The following SERPINI1 variants were observed in gnomAD, a reference collection of about 807,000 sequenced individuals.
SERPINI1 encodes the protein serpin family I member 1.
Under a neutral mutation model 41.1 loss-of-function variants are expected in SERPINI1, and 19 were observed. The ratio of observed to expected loss-of-function variants is 0.46; its 90% confidence interval spans 0.32 to 0.68. SERPINI1 has a LOEUF of 0.68. SERPINI1 is among the 30% of genes least tolerant of loss of function. The pLI is 0.03. For synonymous variants in SERPINI1, 138 were observed against 156.6 expected (o/e 0.88, Z 0.89); for missense variants, 460 against 479.2 (o/e 0.96, Z 0.37).
At chr3:167,781,164 T>C (rs770822288) in intron 1 of SERPINI1, among the ~76,000 whole-genome samples, 10 of 152,090 alleles carry the variant, frequency 6.6e-5, no homozygotes, top group Non-Finnish European at 1.2e-4. Flanking sequence ...TGCCTTTCTC[T>C]TAGCAAATCA....
chr3:167,760,148 AAAG>A lies in SERPINI1; in HGVS notation c.-19+24330_-19+24332del, dbSNP rs1403234220. On this transcript the variant is annotated intron_variant, in intron 1 of 8. Coordinates refer to ENST00000446050, the MANE Select transcript of SERPINI1 (RefSeq NM_001122752.2). ...GTCATCTTCAATGAGATGAGCTTTG[AAAG>A]AAGATTAAAAGTTGGCCAGGTGAAA... Among the ~76,000 whole-genome samples the A allele has an allele frequency of 4.6e-5, 7 of 151,092 alleles. No homozygotes were observed. The South Asian group carries it at 8.3e-4, about 18-fold the overall frequency.
At chr3:167,798,795 C>G (rs762735902) in intron 5 of SERPINI1, among the ~76,000 whole-genome samples, 1 of 152,016 alleles carries the variant, frequency 6.6e-6, no homozygotes, top group Non-Finnish European at 1.5e-5. Context: ...TTTGGGTACT[C>G]ATGGACATAA....
Position 167,809,315 on chromosome 3 carries a change from A to C in SERPINI1, c.979+1974A>C, listed in dbSNP as rs1424446717. Reference sequence around the variant, plus strand: ...ATACTGGCCAAATTCCAATTGGATAATTACATTGTACTTTCTTAACGTGGC... The same window carrying C: ...ATACTGGCCAAATTCCAATTGGATACTTACATTGTACTTTCTTAACGTGGC... On this transcript the variant is annotated intron_variant, in intron 6 of 8. Coordinates refer to ENST00000446050, the MANE Select transcript of SERPINI1 (RefSeq NM_001122752.2). 2.6e-5 allele frequency among the ~76,000 whole-genome samples: 4 copies of C among 152,190 alleles called. No homozygotes were observed. The East Asian group carries it at 7.7e-4, about 29-fold the overall frequency.
intron 1 of SERPINI1, among the ~76,000 whole-genome samples, chr3:167,782,462 T>C (rs563501404): frequency 1.3e-5 from 2 of 152,332 alleles, no homozygotes; most frequent in Non-Finnish European, 2.9e-5. Flanking sequence ...TTGCTGTTCC[T>C]TCTGAAACAG....
intron 6 of SERPINI1, among the ~76,000 whole-genome samples, chr3:167,814,251 G>GTA (rs541085962): frequency 2.0e-5 from 3 of 152,192 alleles, no homozygotes; most frequent in African/African-American, 7.2e-5. Flanking sequence ...GTTCATCATA[G>GTA]TATACCTGGT....
At chr3:167,752,133 T>C (rs531858098) in intron 1 of SERPINI1, among the ~76,000 whole-genome samples, 8 of 152,324 alleles carry the variant, frequency 5.3e-5, no homozygotes, top group Admixed American at 3.3e-4. Context: ...AAGTCTTGCA[T>C]GTGTTTGGGT....
At position 167,802,215 on chromosome 3, in the gene SERPINI1, G is replaced by A. The variant is rs1195448483; in HGVS notation, c.882-5029G>A. On this transcript the variant is annotated intron_variant, in intron 5 of 8. Coordinates refer to ENST00000446050, the MANE Select transcript of SERPINI1 (RefSeq NM_001122752.2). The stretch of plus-strand genomic sequence containing the variant: ...CATTACCATTCGGGACATAGGCATG[G>A]GCAAGGACTTCATGTCTAAAACACC... Among the ~76,000 whole-genome samples the A allele has an allele frequency of 9.2e-5, 14 of 152,112 alleles. 1 individual carries two copies. The South Asian group carries it at 2.9e-3, about 32-fold the overall frequency.
intron 1 of SERPINI1, among the ~76,000 whole-genome samples, chr3:167,772,986 A>G (rs1560002832): frequency 6.8e-6 from 1 of 147,220 alleles, no homozygotes; most frequent in Non-Finnish European, 1.5e-5. Flanking sequence ...ATGTATATAT[A>G]TATATTTCTC....
At chr3:167,821,656 A>G (rs1435425155) in intron 6 of SERPINI1, among the ~76,000 whole-genome samples, 2 of 152,216 alleles carry the variant, frequency 1.3e-5, no homozygotes, top group Non-Finnish European at 2.9e-5. Flanking sequence ...GAGTGGGCAC[A>G]ATGAACCCAG....
rs1727418186 is a variant in SERPINI1 at position 167,789,295 on chromosome 3, C to G, written c.167C>G (p.Ala56Gly). 1 of 1,613,988 alleles carries G rather than the reference C, an allele frequency of 6.2e-7. No individual in the cohort carries two copies. The highest frequency in any genetic ancestry group is 2.2e-5 in the East Asian group (1 of 44,886). Reference sequence around the variant, plus strand: ...TTCTCTCCATTGAGTATTGCTCTTGCAATGGGAATGATGGAACTTGGGGCC... The same window carrying G: ...TTCTCTCCATTGAGTATTGCTCTTGGAATGGGAATGATGGAACTTGGGGCC... The part of the protein sequence containing the change: ...ILFSPLSIAL[A>G]MGMMELGAQG... Residue 56 changes from alanine (A) to glycine (G), a missense_variant, in exon 2 of 9, where the codon GCA (alanine) becomes GGA (glycine). Ala to Gly is a moderately conservative substitution (Grantham distance 60, BLOSUM62 0). Transcript: ENST00000446050.
chr3:167,772,864 C>CTCTCTCTCTCTCTATATATA (rs1374013676), intron 1 of SERPINI1, among the ~76,000 whole-genome samples: 3 of 24,658 alleles, frequency 1.2e-4, no homozygotes, highest in Admixed American at 6.3e-4. Flanking sequence ...CTCTCTCTCT[C>CTCTCTCTCTCTCTATATATA]TATATATATA....
At chr3:167,763,383 G>C (rs1247219864) in intron 1 of SERPINI1, among the ~76,000 whole-genome samples, 1 of 151,768 alleles carries the variant, frequency 6.6e-6, no homozygotes, top group Non-Finnish European at 1.5e-5. Flanking sequence ...GTGTGTATGT[G>C]TGTGTGTGTG....
At chr3:167,811,055 A>G (rs1360920966) in intron 6 of SERPINI1, among the ~76,000 whole-genome samples, 1 of 152,058 alleles carries the variant, frequency 6.6e-6, no homozygotes, top group Non-Finnish European at 1.5e-5. Context: ...TGCTGTTTCT[A>G]CCACATCCAC....
chr3:167,750,065 ATTTTG>A (rs1725995943), intron 1 of SERPINI1, among the ~76,000 whole-genome samples: 1 of 152,208 alleles, frequency 6.6e-6, no homozygotes, highest in Admixed American at 6.5e-5. Flanking sequence ...TGAATTATAT[ATTTTG>A]TTAAAGTTTC....
In SERPINI1 at chr3:167,794,201, A is replaced by G. The variant is rs182196689; in HGVS notation, c.677-419A>G. ...CAGATATATTGAATTATCTCATTTA[A>G]AAATAAAAATCAAGTCTTGAATACA... On this transcript the variant is annotated intron_variant, in intron 4 of 8. Transcript: ENST00000446050. Among the ~76,000 whole-genome samples, 902 of 148,190 alleles carry G rather than the reference A, an allele frequency of 6.1e-3. 24 individuals carry two copies. Among genetic ancestry groups the G allele is most frequent in the Admixed American group, 0.045 (667 of 14,850 alleles).
At chr3:167,738,899 CTAACT>C (rs1278497292) in intron 1 of SERPINI1, among the ~76,000 whole-genome samples, 10 of 151,538 alleles carry the variant, frequency 6.6e-5, no homozygotes, top group Non-Finnish European at 1.5e-4. Flanking sequence ...CCTGTATACA[CTAACT>C]TCTAAGTGAA....
At chr3:167,739,119 T>A (rs1335645304) in intron 1 of SERPINI1, among the ~76,000 whole-genome samples, 1 of 151,126 alleles carries the variant, frequency 6.6e-6, no homozygotes, top group African/African-American at 2.4e-5. Context: ...TTCTTTTTTT[T>A]TTTTTTTTTT....
At chr3:167,803,776 G>C (rs993983115) in intron 5 of SERPINI1, among the ~76,000 whole-genome samples, 1 of 152,116 alleles carries the variant, frequency 6.6e-6, no homozygotes, top group Non-Finnish European at 1.5e-5. Flanking sequence ...CAGGACAACT[G>C]TAATACCACC....
intron 1 of SERPINI1, among the ~76,000 whole-genome samples, chr3:167,764,577 C>T (rs1559999505): frequency 6.6e-6 from 1 of 152,186 alleles, no homozygotes; most frequent in Non-Finnish European, 1.5e-5. Flanking sequence ...GGGGACACAG[C>T]CATACCATGT....
Sources: allele counts gnomAD v4.1 joint callset (sites outside exome capture counted in the v4.1 genomes callset), GRCh38; gene constraint gnomAD v4.1.1; transcripts MANE v1.5; gene names NCBI Gene and HGNC (gene_info 2026-07-23, HGNC 2026-07-21).